PDE10A: variants seen among roughly 807,000 people sequenced by gnomAD.
PDE10A encodes the protein phosphodiesterase 10A.
PDE10A carries 39 observed loss-of-function variants against 97.7 expected under a neutral mutation model. The observed-to-expected ratio is 0.40, with a 90% CI of 0.31 to 0.52. The LOEUF (loss-of-function observed/expected upper bound fraction) is 0.52, where lower values mean the gene tolerates loss of function less well. Ranked by LOEUF, PDE10A falls within the 20% of genes least tolerant of loss-of-function variation. The pLI is 0.56. For synonymous variants in PDE10A, 371 were observed against 376.8 expected, an observed-to-expected ratio of 0.98 and a Z score of 0.18; for missense variants, 731 against 1,047.8, an observed-to-expected ratio of 0.70 and a Z score of 4.17.
intron 1 of PDE10A, among the ~76,000 whole-genome samples, chr6:165,884,877 C>T (rs1781585409): frequency 6.6e-6 from 1 of 152,148 alleles, no homozygotes; most frequent in Non-Finnish European, 1.5e-5. Flanking sequence ...GGACACAACA[C>T]AGGAATAATT....
rs1562752771 is a variant in PDE10A, at chr6:165,819,909, T to C, written c.-615+167620A>G. Among the ~76,000 whole-genome samples the C allele has an allele frequency of 6.6e-6, 1 of 152,198 alleles. No individual in the cohort carries two copies. The highest frequency in any genetic ancestry group is 1.5e-5 in the Non-Finnish European group (1 of 68,038). On this transcript the variant is annotated intron_variant, in intron 1 of 19. Coordinates refer to the PDE10A transcript ENST00000366882. The surrounding 1 kb of genome is among the most constrained non-coding windows in gnomAD (Gnocchi z 4.2). ...TCTGTTTGTATGTAATAATCAGTGG[T>C]TAATATGGAATTCAGTAACACAAGG...
chr6:165,824,895 C>T (rs1020763164), intron 1 of PDE10A, among the ~76,000 whole-genome samples: 11 of 148,094 alleles, frequency 7.4e-5, no homozygotes, highest in African/African-American at 1.8e-4. Flanking sequence ...TTTGGGAGGC[C>T]GAGGCAGGTG....
chr6:165,892,717 A>T (rs1398307657), intron 1 of PDE10A, among the ~76,000 whole-genome samples: 2 of 152,130 alleles, frequency 1.3e-5, no homozygotes, highest in Non-Finnish European at 2.9e-5. Flanking sequence ...GCCCACTTCG[A>T]AGCATTTCTC....
At chr6:165,350,423 C>T (rs550868) in intron 18 of PDE10A, among the ~76,000 whole-genome samples, 47,560 of 152,006 alleles carry the variant, frequency 0.31, 7,872 homozygotes, top group African/African-American at 0.4. Flanking sequence ...TGCCTGTACC[C>T]CCATTGTGTC....
At chr6:165,484,293 A>G (rs1779772164) in intron 2 of PDE10A, among the ~76,000 whole-genome samples, 1 of 152,204 alleles carries the variant, frequency 6.6e-6, no homozygotes, top group South Asian at 2.1e-4. Context: ...AACACATATG[A>G]TAGACAGTGG....
chr6:165,687,590 A>G (rs1791156227), intron 1 of PDE10A, among the ~76,000 whole-genome samples: 1 of 152,158 alleles, frequency 6.6e-6, no homozygotes, highest in Admixed American at 6.5e-5. Flanking sequence ...CAACTGAAAA[A>G]CGATTCTTTC....
intron 1 of PDE10A, among the ~76,000 whole-genome samples, chr6:165,606,024 C>T (rs1222232726): frequency 2.0e-5 from 3 of 151,890 alleles, no homozygotes; most frequent in African/African-American, 4.8e-5. Context: ...AGACCTAGTA[C>T]AGAGCTGGGC....
chr6:165,642,680 C>T (rs1180956018), intron 1 of PDE10A, among the ~76,000 whole-genome samples: 5 of 152,198 alleles, frequency 3.3e-5, no homozygotes, highest in Admixed American at 2.6e-4. Flanking sequence ...GTTGGCTGTA[C>T]CAGTCCGGCC....
chr6:165,838,369 G>GT (rs1472207371), intron 1 of PDE10A, among the ~76,000 whole-genome samples: 1 of 151,904 alleles, frequency 6.6e-6, no homozygotes, highest in African/African-American at 2.4e-5. Context: ...CAAATTCAGG[G>GT]TTTTTATTGA....
intron 3 of PDE10A, among the ~76,000 whole-genome samples, chr6:165,463,712 A>C (rs1465763597): frequency 4.6e-5 from 7 of 152,208 alleles, no homozygotes; most frequent in Non-Finnish European, 1.0e-4. Context: ...TGGCCCCAAA[A>C]CTGGCCATAA....
At position 165,819,063 on chromosome 6, in the gene PDE10A, G is replaced by C. The variant is rs927428693; in HGVS notation, c.-615+168466C>G. Among the ~76,000 whole-genome samples, 1 of 152,138 alleles carries C rather than the reference G, an allele frequency of 6.6e-6. No homozygotes were observed. Among genetic ancestry groups the C allele is most frequent in the African/African-American group, 2.4e-5 (1 of 41,428 alleles). The stretch of plus-strand genomic sequence containing the variant: ...CATTCTGTACATTTATGAAGCCTCC[G>C]TCTAAGCTTGAGTCCTGTGTGCCCA... On this transcript the variant is annotated intron_variant, in intron 1 of 19. Transcript: ENST00000366882. This position sits in a 1 kb window ranked among gnomAD's most constrained non-coding sequence, Gnocchi z 4.2.
In PDE10A at chr6:165,425,770, C is replaced by CGTGTGTGTGTGTGT. The variant is rs57229720; in HGVS notation, c.1653+2874_1653+2887dup. On this transcript the variant is annotated intron_variant, in intron 10 of 21. Coordinates refer to ENST00000539869, the MANE Select transcript of PDE10A (RefSeq NM_001385079.1). ...TGTCTCTAATTATAGAAGGCATGATCGTGTGTGTGTGTGTGTGTGTGTGTG... is the reference window on the plus strand; with the variant it reads ...TGTCTCTAATTATAGAAGGCATGATCGTGTGTGTGTGTGTGTGTGTGTGTGTGTGTGTGTGTGTG... Among the ~76,000 whole-genome samples the CGTGTGTGTGTGTGT allele has an allele frequency of 4.5e-3, 654 of 144,128 alleles. 3 individuals carry two copies. The highest frequency in any genetic ancestry group is 9.4e-3 in the African/African-American group (360 of 38,266). 94.6% of individuals were successfully genotyped at this position (144,128 alleles called of 152,430 possible).
In PDE10A at chr6:165,852,113, C is replaced by T. The variant is rs75690878; in HGVS notation, c.-615+135416G>A. On this transcript the variant is annotated intron_variant, in intron 1 of 19. Transcript: ENST00000366882. The stretch of plus-strand genomic sequence containing the variant: ...CTTTCCCCCCTTTCTCTTTTTTCTA[C>T]GAAAGAAGAAAGTCCCATCTCACTA... Among the ~76,000 whole-genome samples, 1,437 of 152,186 alleles carry T rather than the reference C, an allele frequency of 9.4e-3. 21 individuals are homozygous for T. Among genetic ancestry groups the T allele is most frequent in the African/African-American group, 0.033 (1,374 of 41,516 alleles).
chr6:165,651,940 C>A (rs1463663614), intron 1 of PDE10A, among the ~76,000 whole-genome samples: 1 of 152,120 alleles, frequency 6.6e-6, no homozygotes, highest in African/African-American at 2.4e-5. Flanking sequence ...CTTATATCAT[C>A]CTTTAGATTC....
intron 1 of PDE10A, among the ~76,000 whole-genome samples, chr6:165,920,692 C>G (rs1451805693): frequency 1.3e-5 from 2 of 152,080 alleles, no homozygotes; most frequent in Non-Finnish European, 2.9e-5. Context: ...TCTTTCTGTG[C>G]CCACACCTCC....
At chr6:165,958,591 G>GAGA (rs1562327427) in intron 1 of PDE10A, among the ~76,000 whole-genome samples, 1 of 78,940 alleles carries the variant, frequency 1.3e-5, no homozygotes, top group Non-Finnish European at 2.7e-5. Context: ...GACAGAAAGA[G>GAGA]AGAAAGAAAG....
At chr6:165,804,761 G>A (rs1331828201) in intron 1 of PDE10A, among the ~76,000 whole-genome samples, 2 of 151,968 alleles carry the variant, frequency 1.3e-5, no homozygotes, top group African/African-American at 2.4e-5. Context: ...CGGGGTCGGG[G>A]AGCGGCGGCG....
At chr6:165,706,023 C>T (rs535223458) in intron 1 of PDE10A, among the ~76,000 whole-genome samples, 2 of 152,250 alleles carry the variant, frequency 1.3e-5, no homozygotes, top group South Asian at 2.1e-4. Context: ...CTGCGAAGGG[C>T]GGCCACACTC....
intron 1 of PDE10A, among the ~76,000 whole-genome samples, chr6:165,623,064 CA>C (rs1318221296): frequency 1.3e-5 from 2 of 152,174 alleles, no homozygotes; most frequent in Non-Finnish European, 2.9e-5. Flanking sequence ...GAGCAGATGC[CA>C]GCATCATGTG....
Sources: allele counts gnomAD v4.1 joint callset (sites outside exome capture counted in the v4.1 genomes callset), GRCh38; gene constraint gnomAD v4.1.1; non-coding constraint Gnocchi (gnomAD v3.1); transcripts MANE v1.5; gene names NCBI Gene and HGNC (gene_info 2026-07-23, HGNC 2026-07-21).